The following AGBL4 variants were observed in gnomAD, a reference collection of about 807,000 sequenced individuals.
The protein encoded by AGBL4 is AGBL carboxypeptidase 4, also known as cytosolic carboxypeptidase 6.
AGBL4 carries 58 observed loss-of-function variants against 66.4 expected under a neutral mutation model. The observed-to-expected ratio is 0.87, with a 90% CI of 0.71 to 1.09. The LOEUF (loss-of-function observed/expected upper bound fraction) is 1.09, where lower values mean the gene tolerates loss of function less well. Among genes scored for constraint, AGBL4 ranks in the 50% least tolerant of loss-of-function variants. The pLI is 0.00. For synonymous variants in AGBL4, 234 were observed against 222.9 expected, an observed-to-expected ratio of 1.05 and a Z score of -0.44; for missense variants, 579 against 631.0, an observed-to-expected ratio of 0.92 and a Z score of 0.88.
chr1:49,667,275 A>G (rs1646389517), intron 3 of AGBL4, among the ~76,000 whole-genome samples: 2 of 152,128 alleles, frequency 1.3e-5, no homozygotes, highest in South Asian at 4.2e-4. Flanking sequence ...CCTGGGCAAC[A>G]TGACAAAGCC....
intron 6 of AGBL4, chr1:48,776,924 GGT>G (rs1455459448): frequency 3.0e-6 from 2 of 656,512 alleles, no homozygotes; most frequent in African/African-American, 3.9e-5. Context: ...GTCTCGCTAC[GGT>G]GCTGGGGGGG....
intron 4 of AGBL4, among the ~76,000 whole-genome samples, chr1:49,191,443 T>C (rs1346541143): frequency 6.6e-6 from 1 of 152,216 alleles, no homozygotes; most frequent in Non-Finnish European, 1.5e-5. Flanking sequence ...GTTGAGTAAA[T>C]GAATGAAAGG....
At chr1:49,768,586 T>C (rs933482057) in intron 2 of AGBL4, among the ~76,000 whole-genome samples, 4 of 151,892 alleles carry the variant, frequency 2.6e-5, no homozygotes, top group Non-Finnish European at 5.9e-5. Context: ...ACAAGGAAAA[T>C]CTGGAACAAT....
intron 2 of AGBL4, among the ~76,000 whole-genome samples, chr1:49,737,743 G>A: frequency 6.6e-6 from 1 of 152,170 alleles, no homozygotes; most frequent in East Asian, 1.9e-4. Flanking sequence ...AAACCAGAAG[G>A]CAGTAGGATG....
rs551040804 is a variant in AGBL4, at chr1:49,670,316, C to A, written c.282+26997G>T. Among the ~76,000 whole-genome samples the A allele has an allele frequency of 3.9e-5, 6 of 152,240 alleles. No individual in the cohort carries two copies. In the South Asian group the frequency reaches 1.2e-3, roughly 32 times the overall value. On this transcript the variant is annotated intron_variant, in intron 3 of 13. Transcript: ENST00000371839. ...AACAAAACAAAATGAAACAAAAAAACAGCAACTTTGCTACCAGAGGCAGAC... is the reference window on the plus strand; with the variant it reads ...AACAAAACAAAATGAAACAAAAAAAAAGCAACTTTGCTACCAGAGGCAGAC...
At chr1:48,815,614 C>G (rs1195197179) in intron 6 of AGBL4, among the ~76,000 whole-genome samples, 5 of 152,154 alleles carry the variant, frequency 3.3e-5, no homozygotes, top group African/African-American at 1.2e-4. Context: ...TTTAATTCCT[C>G]AAGGGTTGAG....
At chr1:48,536,717 C>T (rs1219144585) in intron 12 of AGBL4, among the ~76,000 whole-genome samples, 1 of 152,242 alleles carries the variant, frequency 6.6e-6, no homozygotes, top group Non-Finnish European at 1.5e-5. Flanking sequence ...GAGTCCACCT[C>T]TTGCTCAGAG....
chr1:49,429,278 A>T (rs993956294), intron 3 of AGBL4, among the ~76,000 whole-genome samples: 2 of 152,214 alleles, frequency 1.3e-5, no homozygotes. Context: ...TTAGGCTCCC[A>T]TAAGAATGAA....
intron 4 of AGBL4, among the ~76,000 whole-genome samples, chr1:49,110,361 C>T (rs1174934277): frequency 6.6e-6 from 1 of 152,192 alleles, no homozygotes; most frequent in African/African-American, 2.4e-5. Flanking sequence ...CAACTGTTAT[C>T]ACTGAAACAA....
chr1:49,723,326 G>A (rs1648751517), intron 2 of AGBL4, among the ~76,000 whole-genome samples: 1 of 151,952 alleles, frequency 6.6e-6, no homozygotes. Flanking sequence ...AGGTCTTCAT[G>A]CCTCTTGCTT....
chr1:49,016,092 G>C (rs144499108), intron 5 of AGBL4, among the ~76,000 whole-genome samples: 1 of 152,148 alleles, frequency 6.6e-6, no homozygotes, highest in African/African-American at 2.4e-5. Context: ...GGCCCAGCTT[G>C]TGGCAGACTC....
Position 49,846,084 on chromosome 1 carries a change from A to G in AGBL4, c.157+5312T>C, listed in dbSNP as rs190023810. The G allele has an allele frequency of 2.5e-4, 392 of 1,558,040 alleles. 1 individual carries two copies. In the East Asian group the frequency reaches 6.8e-3, roughly 27 times the overall value. On this transcript the variant is annotated intron_variant, in intron 2 of 13. Coordinates refer to ENST00000371839, the MANE Select transcript of AGBL4 (RefSeq NM_032785.4). ...AGGATCCACACAGGAGAGAAACCCT[A>G]TGAATGTAACCAGTGTAGCCAGAGC...
intron 3 of AGBL4, among the ~76,000 whole-genome samples, chr1:49,378,802 G>A (rs1238456398): frequency 6.6e-6 from 1 of 152,086 alleles, no homozygotes; most frequent in East Asian, 1.9e-4. Context: ...CCTGTTAGAA[G>A]TTTCCCTCAC....
At chr1:49,671,273 C>A (rs935736174) in intron 3 of AGBL4, among the ~76,000 whole-genome samples, 1 of 152,120 alleles carries the variant, frequency 6.6e-6, no homozygotes, top group African/African-American at 2.4e-5. Context: ...GGATAACTGG[C>A]AAGCCACATG....
At chr1:49,154,093 A>G (rs571508074) in intron 4 of AGBL4, among the ~76,000 whole-genome samples, 3 of 152,190 alleles carry the variant, frequency 2.0e-5, no homozygotes, top group African/African-American at 7.2e-5. Context: ...AAAAATGTCT[A>G]CAAAGCCAAG....
intron 2 of AGBL4, among the ~76,000 whole-genome samples, chr1:49,733,051 T>G (rs1649577749): frequency 6.6e-6 from 1 of 152,080 alleles, no homozygotes; most frequent in South Asian, 2.1e-4. Context: ...GGGAAATAAC[T>G]TATCACATAC....
At chr1:48,614,472 A>G (rs1645287373) in intron 9 of AGBL4, among the ~76,000 whole-genome samples, 1 of 152,240 alleles carries the variant, frequency 6.6e-6, no homozygotes. Context: ...GAGGCTGATC[A>G]TAGGAATACA....
At chr1:48,734,276 G>A (rs1348326161) in intron 6 of AGBL4, among the ~76,000 whole-genome samples, 1 of 152,142 alleles carries the variant, frequency 6.6e-6, no homozygotes, top group Non-Finnish European at 1.5e-5. Flanking sequence ...TTGAATCTAG[G>A]CTCTGAAACC....
intron 3 of AGBL4, among the ~76,000 whole-genome samples, chr1:49,411,205 C>G (rs1178010514): frequency 6.6e-6 from 1 of 152,158 alleles, no homozygotes; most frequent in African/African-American, 2.4e-5. Flanking sequence ...TCCAAGAGTC[C>G]AAAGGCCAAA....
Sources: gnomAD v4.1 joint callset for allele counts (sites outside exome capture counted in the v4.1 genomes callset) on GRCh38, gnomAD v4.1.1 for gene constraint, MANE v1.5 for transcripts, NCBI Gene and HGNC (gene_info 2026-07-23, HGNC 2026-07-21) for gene names.